SPTBN1: variants seen among roughly 807,000 people sequenced by gnomAD.
The protein encoded by SPTBN1 is spectrin beta chain, non-erythrocytic 1.
Under a neutral mutation model 266.4 loss-of-function variants are expected in SPTBN1, and 32 were observed. That is an observed-to-expected ratio of 0.12 (90% CI 0.09 to 0.16). The LOEUF is 0.16. SPTBN1 is among the 10% of genes least tolerant of loss of function. The pLI is 1.00. For missense variants in SPTBN1, 2,296 were observed against 3,067.1 expected (o/e 0.75, Z 5.94); for synonymous variants, 1,336 against 1,162.2 (o/e 1.15, Z -3.04).
intron 2 of SPTBN1, among the ~76,000 whole-genome samples, chr2:54,571,328 G>A (rs1240076155): frequency 2.6e-5 from 4 of 152,190 alleles, no homozygotes; most frequent in African/African-American, 9.6e-5. Context: ...ATTTTCTTCA[G>A]GGGGAAAGAA....
intron 1 of SPTBN1, among the ~76,000 whole-genome samples, chr2:54,471,989 T>C (rs550580488): frequency 6.6e-6 from 1 of 151,086 alleles, no homozygotes; most frequent in South Asian, 2.1e-4. Flanking sequence ...ATATAGTCTT[T>C]GTAGTTTGAA....
At chr2:54,627,944 T>A (rs965008816) in intron 12 of SPTBN1, among the ~76,000 whole-genome samples, 153 bp from the exon 13 acceptor site, 1 of 152,234 alleles carries the variant, frequency 6.6e-6, no homozygotes, top group Non-Finnish European at 1.5e-5. Flanking sequence ...TTCTGGTTTG[T>A]TGGCCATCAT....
At chr2:54,584,499 G>C (rs1264394253) in intron 2 of SPTBN1, among the ~76,000 whole-genome samples, 1 of 151,934 alleles carries the variant, frequency 6.6e-6, no homozygotes, top group Non-Finnish European at 1.5e-5. Context: ...GAGTGTCCTA[G>C]TTTCTCCACA....
chr2:54,618,051 G>T (rs1558433002), intron 6 of SPTBN1, 27 bp from the exon 7 acceptor site: 2 of 1,554,664 alleles, frequency 1.3e-6, no homozygotes, highest in Admixed American at 1.8e-5. Flanking sequence ...CATGATTTTT[G>T]TTGTGTCCCA....
intron 32 of SPTBN1, chr2:54,661,890 T>G: frequency 1.0e-6 from 1 of 985,388 alleles, no homozygotes; most frequent in Non-Finnish European, 1.2e-6. Context: ...CATGCCTATT[T>G]TTATCTAGAT....
chr2:54,541,187 C>T (rs952941267), intron 2 of SPTBN1, among the ~76,000 whole-genome samples: 1 of 152,172 alleles, frequency 6.6e-6, no homozygotes, highest in Non-Finnish European at 1.5e-5. Flanking sequence ...AGAAGTAAGC[C>T]TACAGACCAA....
chr2:54,601,165 T>C (rs1676474375), intron 3 of SPTBN1, among the ~76,000 whole-genome samples: 1 of 152,182 alleles, frequency 6.6e-6, no homozygotes, highest in Non-Finnish European at 1.5e-5. Context: ...TCCAACCTCT[T>C]AGGCAGTCGA....
chr2:54,521,843 T>A (rs1024640395), intron 1 of SPTBN1, among the ~76,000 whole-genome samples: 1 of 152,124 alleles, frequency 6.6e-6, no homozygotes, highest in Non-Finnish European at 1.5e-5. Flanking sequence ...TTATTTATTT[T>A]GTACACAGAC....
At chr2:54,633,199 T>C (rs1213360021) in intron 17 of SPTBN1, among the ~76,000 whole-genome samples, 1 of 151,864 alleles carries the variant, frequency 6.6e-6, no homozygotes, top group Non-Finnish European at 1.5e-5. Context: ...GAAGGGAGGG[T>C]GAAGCTTGCT....
chr2:54,636,614 A>G (rs1220717680), intron 17 of SPTBN1, among the ~76,000 whole-genome samples: 1 of 152,170 alleles, frequency 6.6e-6, no homozygotes, highest in African/African-American at 2.4e-5. Context: ...AGCTGCTCTT[A>G]CTCAGCGTGT....
chr2:54,494,750 CAGGAGGCATGGACTCCA>C (rs1398695407), intron 1 of SPTBN1, among the ~76,000 whole-genome samples: 7 of 151,948 alleles, frequency 4.6e-5, no homozygotes, highest in African/African-American at 1.7e-4. Flanking sequence ...GAGGATGGGC[CAGGAGGCATGGACTCCA>C]AAGAGGCATG....
intron 1 of SPTBN1, among the ~76,000 whole-genome samples, chr2:54,469,500 T>TAATA (rs1337297317): frequency 2.6e-5 from 4 of 152,186 alleles, no homozygotes; most frequent in Non-Finnish European, 4.4e-5. Flanking sequence ...CTGATGGGAA[T>TAATA]CATTTTGTTT....
chr2:54,500,019 A>C (rs1669167348), intron 1 of SPTBN1, among the ~76,000 whole-genome samples: 1 of 152,156 alleles, frequency 6.6e-6, no homozygotes, highest in Admixed American at 6.5e-5. Context: ...AATTCTTTTT[A>C]CGTTTGTAAT....
chr2:54,642,589 G>A (rs1004318975), intron 18 of SPTBN1, among the ~76,000 whole-genome samples: 2 of 149,946 alleles, frequency 1.3e-5, no homozygotes, highest in African/African-American at 2.5e-5. Context: ...GCCAAATGGA[G>A]TAAAAGTCAA....
intron 1 of SPTBN1, among the ~76,000 whole-genome samples, chr2:54,485,613 C>G (rs535238731): frequency 9.2e-5 from 14 of 152,230 alleles, no homozygotes; most frequent in Admixed American, 5.2e-4. Context: ...CGGCCGCCAC[C>G]CCATCTGGGA....
At chr2:54,635,458 C>T (rs1679055871) in intron 17 of SPTBN1, among the ~76,000 whole-genome samples, 1 of 152,236 alleles carries the variant, frequency 6.6e-6, no homozygotes, top group Non-Finnish European at 1.5e-5. Flanking sequence ...ATCCTTGCCT[C>T]TTTCTTCCCA....
At chr2:54,544,948 C>T (rs1400556003) in intron 2 of SPTBN1, among the ~76,000 whole-genome samples, 3 of 152,062 alleles carry the variant, frequency 2.0e-5, no homozygotes, top group African/African-American at 7.2e-5. Context: ...CCCAGTAGGC[C>T]CCAGGGTGTG....
intron 2 of SPTBN1, among the ~76,000 whole-genome samples, chr2:54,564,040 G>A (rs1295004440): frequency 6.6e-6 from 1 of 152,186 alleles, no homozygotes; most frequent in Non-Finnish European, 1.5e-5. Context: ...GTGGATCATG[G>A]CGCCCAAATA....
chr2:54,596,045 C>A (rs1676064443), intron 2 of SPTBN1, among the ~76,000 whole-genome samples: 1 of 152,090 alleles, frequency 6.6e-6, no homozygotes, highest in Admixed American at 6.5e-5. Context: ...AAGAAGCAAC[C>A]ACGGTTGCTT....
Sources: gnomAD v4.1 joint callset for allele counts (sites outside exome capture counted in the v4.1 genomes callset) on GRCh38, gnomAD v4.1.1 for gene constraint, MANE v1.5 for transcripts, NCBI Gene and HGNC (gene_info 2026-07-23, HGNC 2026-07-21) for gene names.